PTPRN2: variants seen among roughly 807,000 people sequenced by gnomAD.
The protein encoded by PTPRN2 is protein tyrosine phosphatase receptor type N2, also known as receptor-type tyrosine-protein phosphatase N2.
Under a neutral mutation model 118.8 loss-of-function variants are expected in PTPRN2, and 74 were observed. That is an observed-to-expected ratio of 0.62 (90% CI 0.52 to 0.76). The LOEUF is 0.76. Among genes scored for constraint, PTPRN2 ranks in the 30% least tolerant of loss-of-function variants. PTPRN2 has a pLI of 0.00. For synonymous variants in PTPRN2, 641 were observed against 608.0 expected (o/e 1.05, Z -0.80); for missense variants, 1,481 against 1,394.4 (o/e 1.06, Z -0.99).
rs1411046824 is a variant in PTPRN2, at chr7:157,794,056, A to AG, written c.1788+104616dup. 2.0e-5 allele frequency among the ~76,000 whole-genome samples: 3 copies of AG among 151,992 alleles called. No homozygotes were observed. Among genetic ancestry groups the AG allele is most frequent in the Non-Finnish European group, 4.4e-5 (3 of 67,994 alleles). ...AGCACACCTCGAGGGGCCCAGGACA[A>AG]GCTCGGGGCCCAGGTGGCCGGGAGG... On this transcript the variant is annotated intron_variant, in intron 12 of 22. Coordinates refer to ENST00000389418, the MANE Select transcript of PTPRN2 (RefSeq NM_002847.5). The surrounding 1 kb of genome is among the most constrained non-coding windows in gnomAD (Gnocchi z 5.2).
chr7:157,840,981 A>T (rs1808380905), intron 12 of PTPRN2, among the ~76,000 whole-genome samples: 1 of 152,242 alleles, frequency 6.6e-6, no homozygotes, highest in Non-Finnish European at 1.5e-5. Flanking sequence ...CTCAACGTCC[A>T]GTCTGCAGGG....
chr7:158,581,878 G>A (rs1378483788), intron 1 of PTPRN2, among the ~76,000 whole-genome samples: 6 of 152,202 alleles, frequency 3.9e-5, no homozygotes. Context: ...CCAGCTGCCT[G>A]CAAAAGCCAC....
intron 12 of PTPRN2, among the ~76,000 whole-genome samples, chr7:157,844,776 G>T (rs925294861): frequency 6.6e-6 from 1 of 152,212 alleles, no homozygotes; most frequent in Non-Finnish European, 1.5e-5. Context: ...CAGCGGCTCC[G>T]CAGGGGTGAG....
intron 2 of PTPRN2, among the ~76,000 whole-genome samples, chr7:158,453,453 A>C (rs1371695952): frequency 1.4e-5 from 2 of 144,402 alleles, no homozygotes; most frequent in African/African-American, 2.5e-5. Context: ...ACATAGGGGA[A>C]TTGAAAGAGA....
chr7:158,191,112 A>C (rs1825728007), intron 5 of PTPRN2, among the ~76,000 whole-genome samples: 1 of 152,242 alleles, frequency 6.6e-6, no homozygotes, highest in South Asian at 2.1e-4. Context: ...GATTGAGCTT[A>C]GTGGCCACGC....
At chr7:158,341,532 A>C (rs377656787) in intron 2 of PTPRN2, among the ~76,000 whole-genome samples, 44 of 102,078 alleles carry the variant, frequency 4.3e-4, no homozygotes, top group East Asian at 6.2e-4. Context: ...CACTCTCACC[A>C]TAAGAGGTGA....
intron 11 of PTPRN2, among the ~76,000 whole-genome samples, chr7:158,021,373 T>C (rs56087557): frequency 0.06 from 9,176 of 152,192 alleles, 313 homozygotes; most frequent in Admixed American, 0.09. Flanking sequence ...ATGCATATAA[T>C]GCTTTTCTAA....
rs983398555 is a variant in PTPRN2 at position 157,845,885 on chromosome 7, A to C, written c.1788+52788T>G. Among the ~76,000 whole-genome samples, 8 of 152,204 alleles carry C rather than the reference A, an allele frequency of 5.3e-5. No homozygotes were observed. In the South Asian group the frequency reaches 6.2e-4, roughly 12 times the overall value. ...ACAAAAATTAACCCCAGGCAGATTA[A>C]AGCCTAAATGGGGGGAAAAAACCTG... On this transcript the variant is annotated intron_variant, in intron 12 of 22. Transcript: ENST00000389418. This position sits in a 1 kb window ranked among gnomAD's most constrained non-coding sequence, Gnocchi z 4.5.
At chr7:157,726,457 C>T (rs1022296226) in intron 12 of PTPRN2, among the ~76,000 whole-genome samples, 1 of 152,262 alleles carries the variant, frequency 6.6e-6, no homozygotes, top group East Asian at 1.9e-4. Flanking sequence ...CAGACCGTCA[C>T]CTCCCACCCG....
chr7:157,811,975 C>A (rs1585531669), intron 12 of PTPRN2, among the ~76,000 whole-genome samples: 1 of 152,142 alleles, frequency 6.6e-6, no homozygotes, highest in Non-Finnish European at 1.5e-5. Flanking sequence ...GAAGGACCAC[C>A]CTCGACTTAA....
intron 12 of PTPRN2, among the ~76,000 whole-genome samples, chr7:157,770,421 T>TCCCA (rs1010631865): frequency 7.9e-5 from 12 of 152,198 alleles, no homozygotes; most frequent in Admixed American, 2.6e-4. Flanking sequence ...TCTCAGCAGG[T>TCCCA]CCCACCTCTT....
rs1011928437 is a variant in PTPRN2 at position 157,861,322 on chromosome 7, G to A, written c.1788+37351C>T. ...GAGGATGAGAGGCCTGGATTGCACC[G>A]GAAGCACCTCCGGCTGGAGCTCGGC... On this transcript the variant is annotated intron_variant, in intron 12 of 22. Transcript: ENST00000389418. This position sits in a 1 kb window ranked among gnomAD's most constrained non-coding sequence, Gnocchi z 5.8. Among the ~76,000 whole-genome samples the A allele has an allele frequency of 7.2e-5, 11 of 152,216 alleles. No homozygotes were observed. The highest frequency in any genetic ancestry group is 1.9e-4 in the East Asian group (1 of 5,194).
chr7:157,877,835 C>T (rs1017776525), intron 12 of PTPRN2, among the ~76,000 whole-genome samples: 4 of 152,200 alleles, frequency 2.6e-5, no homozygotes, highest in Non-Finnish European at 5.9e-5. Context: ...CCAAGCCCTT[C>T]GCCAAAATCA....
At chr7:158,039,779 G>A (rs1010449418) in intron 11 of PTPRN2, among the ~76,000 whole-genome samples, 8 of 152,170 alleles carry the variant, frequency 5.3e-5, no homozygotes, top group Non-Finnish European at 1.0e-4. Flanking sequence ...AAAAGAATCA[G>A]ACTCAGATAT....
chr7:158,253,251 T>TGAGGACTG (rs1796801004), intron 3 of PTPRN2, among the ~76,000 whole-genome samples: 1 of 152,130 alleles, frequency 6.6e-6, no homozygotes, highest in Non-Finnish European at 1.5e-5. Context: ...TGAAGCTGCC[T>TGAGGACTG]GAGGACTGGA....
chr7:157,997,515 C>T (rs903064207), intron 11 of PTPRN2, among the ~76,000 whole-genome samples: 3 of 152,212 alleles, frequency 2.0e-5, no homozygotes, highest in African/African-American at 7.2e-5. Flanking sequence ...GCTGGAAGGG[C>T]CACAGGTGGG....
intron 3 of PTPRN2, among the ~76,000 whole-genome samples, chr7:158,265,933 C>T (rs1370781927): frequency 6.6e-6 from 1 of 152,240 alleles, no homozygotes; most frequent in Admixed American, 6.5e-5. Context: ...GCTTCTCTCT[C>T]TAGCATGCTC....
intron 11 of PTPRN2, among the ~76,000 whole-genome samples, chr7:158,019,785 C>T (rs766489226): frequency 6.6e-6 from 1 of 151,158 alleles, no homozygotes; most frequent in African/African-American, 2.5e-5. Context: ...GGGGGAGCCG[C>T]GCAGCATGAA....
chr7:158,550,883 C>T (rs1001545373), intron 1 of PTPRN2, among the ~76,000 whole-genome samples: 1 of 152,180 alleles, frequency 6.6e-6, no homozygotes, highest in Non-Finnish European at 1.5e-5. Context: ...GCGGCCGTCG[C>T]GCTTCCCTTC....
Sources: allele counts gnomAD v4.1 joint callset (sites outside exome capture counted in the v4.1 genomes callset), GRCh38; gene constraint gnomAD v4.1.1; non-coding constraint Gnocchi (gnomAD v3.1); transcripts MANE v1.5; gene names NCBI Gene and HGNC (gene_info 2026-07-23, HGNC 2026-07-21).